GMDS: variants seen among roughly 807,000 people sequenced by gnomAD.
GMDS encodes the protein GDP-mannose 4,6 dehydratase.
In GMDS, 20 loss-of-function variants were observed where a neutral mutation model predicts 49.9. The ratio of observed to expected loss-of-function variants is 0.40; its 90% CI spans 0.28 to 0.58. GMDS has a LOEUF of 0.58. Among genes scored for constraint, GMDS ranks in the 20% least tolerant of loss-of-function variants. The probability of loss-of-function intolerance (pLI) is 0.42; values close to 1 mark genes in which losing one functional copy is unlikely to be tolerated. For synonymous variants in GMDS, 177 were observed against 178.6 expected, an observed-to-expected ratio of 0.99 and a Z score of 0.07; for missense variants, 362 against 481.4, an observed-to-expected ratio of 0.75 and a Z score of 2.32.
chr6:2,197,844 T>C (rs1779341454), intron 1 of GMDS, among the ~76,000 whole-genome samples: 1 of 152,220 alleles, frequency 6.6e-6, no homozygotes, highest in East Asian at 1.9e-4. Context: ...GAGGAGCCCA[T>C]TCTGCAGGGC....
At chr6:2,124,187 A>T (rs1384489116) in intron 2 of GMDS, among the ~76,000 whole-genome samples, 1 of 152,246 alleles carries the variant, frequency 6.6e-6, no homozygotes, top group Non-Finnish European at 1.5e-5. Context: ...AATGGTGAAG[A>T]CAACGACAAA....
intron 1 of GMDS, among the ~76,000 whole-genome samples, chr6:2,241,939 C>T (rs1333934299): frequency 6.6e-6 from 1 of 152,156 alleles, no homozygotes; most frequent in East Asian, 1.9e-4. Context: ...AAGATGTGTT[C>T]TGCTAATGGA....
At chr6:1,699,765 T>C (rs1408087689) in intron 9 of GMDS, among the ~76,000 whole-genome samples, 3 of 152,100 alleles carry the variant, frequency 2.0e-5, no homozygotes, top group Non-Finnish European at 2.9e-5. Flanking sequence ...TGGATTATCA[T>C]GTAAGGTGAC....
At chr6:2,024,880 TG>T (rs1272621216) in intron 4 of GMDS, among the ~76,000 whole-genome samples, 2 of 147,030 alleles carry the variant, frequency 1.4e-5, no homozygotes, top group Non-Finnish European at 3.1e-5. Context: ...GACAATTAAT[TG>T]AAAATATTAG....
At chr6:2,112,748 C>A (rs1412290233) in intron 4 of GMDS, among the ~76,000 whole-genome samples, 2 of 152,172 alleles carry the variant, frequency 1.3e-5, no homozygotes, top group East Asian at 3.9e-4. Flanking sequence ...TCCTCGCTGG[C>A]CTAACTGGCA....
chr6:1,747,915 C>T (rs945194455), intron 7 of GMDS, among the ~76,000 whole-genome samples: 8 of 151,858 alleles, frequency 5.3e-5, no homozygotes, highest in African/African-American at 1.2e-4. Flanking sequence ...GACTTTTAGA[C>T]GTTTTAAAGA....
intron 1 of GMDS, among the ~76,000 whole-genome samples, chr6:2,160,884 C>T (rs745447406): frequency 4.6e-5 from 7 of 152,182 alleles, no homozygotes; most frequent in Non-Finnish European, 8.8e-5. Context: ...GCACAGACTG[C>T]AAATATTCCA....
intron 4 of GMDS, among the ~76,000 whole-genome samples, chr6:1,981,413 G>A (rs1000283977): frequency 6.6e-6 from 1 of 152,250 alleles, no homozygotes. Context: ...ACACCTATAA[G>A]CACATAAACT....
At chr6:1,973,976 A>C (rs952459879) in intron 4 of GMDS, among the ~76,000 whole-genome samples, 9 of 152,180 alleles carry the variant, frequency 5.9e-5, no homozygotes, top group African/African-American at 2.2e-4. Context: ...GGGAGCCTTC[A>C]ATCCCACTGG....
At chr6:1,734,049 A>G (rs1766923101) in intron 8 of GMDS, among the ~76,000 whole-genome samples, 1 of 152,144 alleles carries the variant, frequency 6.6e-6, no homozygotes. Flanking sequence ...TTAATCACAG[A>G]GCACTCTAAC....
chr6:1,689,357 C>T (rs1334328418), intron 9 of GMDS, among the ~76,000 whole-genome samples: 1 of 152,172 alleles, frequency 6.6e-6, no homozygotes, highest in Non-Finnish European at 1.5e-5. Context: ...TACTTGAAAG[C>T]TTTCACTAGC....
chr6:1,736,338 A>G (rs1767001579), intron 8 of GMDS, among the ~76,000 whole-genome samples: 1 of 152,228 alleles, frequency 6.6e-6, no homozygotes, highest in African/African-American at 2.4e-5. Flanking sequence ...AGAGACAGAG[A>G]GGAAGAAAGC....
At chr6:2,241,841 T>C (rs750267073) in intron 1 of GMDS, among the ~76,000 whole-genome samples, 1 of 152,202 alleles carries the variant, frequency 6.6e-6, no homozygotes, top group Non-Finnish European at 1.5e-5. Context: ...TATTCCTTTA[T>C]AGCAACACAA....
Position 1,947,878 on chromosome 6 carries a change from C to A in GMDS, c.643+11989G>T, listed in dbSNP as rs1005231683. Among the ~76,000 whole-genome samples, 5 of 152,324 alleles carry A rather than the reference C, an allele frequency of 3.3e-5. No homozygotes were observed. The East Asian group carries it at 9.6e-4, about 29-fold the overall frequency. On this transcript the variant is annotated intron_variant, in intron 6 of 10. Coordinates refer to ENST00000380815, the MANE Select transcript of GMDS (RefSeq NM_001500.4). Reference sequence around the variant, plus strand: ...CACTTACTAAGCTCTGAAACCTTAACTTTTTTAACTTGTTCAGAGAAAACA... The same window carrying A: ...CACTTACTAAGCTCTGAAACCTTAAATTTTTTAACTTGTTCAGAGAAAACA...
rs1209990993 is a variant in GMDS at position 1,624,012 on chromosome 6, G to A, written c.*157C>T. On this transcript the variant is annotated 3_prime_UTR_variant, in exon 11 of 11. Transcript: ENST00000380815. ...CATCCCGGCTGCTACAAACCTCGGC[G>A]GGGCGGCCCCGCTCTTGCGGCCGGG... 9 of 620,016 alleles carry A rather than the reference G, an allele frequency of 1.5e-5. No individual in the cohort carries two copies. In the East Asian group the frequency reaches 2.0e-4, roughly 14 times the overall value. The allele number at this position is 620,016 out of a possible 1,614,324, so 38.4% of individuals were successfully genotyped here.
intron 6 of GMDS, among the ~76,000 whole-genome samples, chr6:1,941,246 CA>C (rs1232183312): frequency 6.6e-6 from 1 of 151,934 alleles, no homozygotes; most frequent in Admixed American, 6.6e-5. Context: ...GCTGAGGGCA[CA>C]CATTTGGGAA....
intron 9 of GMDS, among the ~76,000 whole-genome samples, chr6:1,702,196 C>T (rs1474472314): frequency 3.3e-5 from 5 of 152,232 alleles, no homozygotes; most frequent in Non-Finnish European, 7.3e-5. Context: ...TCCGACTCTT[C>T]GTAAAGGTGC....
intron 7 of GMDS, among the ~76,000 whole-genome samples, chr6:1,840,671 G>A (rs188361090): frequency 4.5e-4 from 68 of 152,316 alleles, no homozygotes; most frequent in Admixed American, 3.3e-3. Flanking sequence ...TGGGTCAGCC[G>A]CACTTCCAAG....
chr6:1,919,210 G>A (rs1018884416), intron 7 of GMDS, among the ~76,000 whole-genome samples: 9 of 152,120 alleles, frequency 5.9e-5, no homozygotes, highest in South Asian at 2.1e-4. Context: ...AAGAGAGACC[G>A]ACATGAGATA....
Sources: allele counts gnomAD v4.1 joint callset (sites outside exome capture counted in the v4.1 genomes callset), GRCh38; gene constraint gnomAD v4.1.1; transcripts MANE v1.5; gene names NCBI Gene and HGNC (gene_info 2026-07-23, HGNC 2026-07-21).